OPN5: variants seen among roughly 807,000 people sequenced by gnomAD.
OPN5 encodes opsin-5.
In OPN5, 18 loss-of-function variants were observed where a neutral mutation model predicts 41.7. That is an observed-to-expected ratio of 0.43 (90% CI 0.30 to 0.64). The LOEUF (loss-of-function observed/expected upper bound fraction) is 0.64, where lower values mean the gene tolerates loss of function less well. Ranked by LOEUF, OPN5 falls within the 30% of genes least tolerant of loss-of-function variation. OPN5 has a pLI of 0.13. For missense variants in OPN5, 318 were observed against 434.5 expected (o/e 0.73, Z 2.38); for synonymous variants, 178 against 164.3 (o/e 1.08, Z -0.64).
intron 6 of OPN5, among the ~76,000 whole-genome samples, chr6:47,818,533 G>A (rs1762499532): frequency 2.0e-5 from 3 of 152,168 alleles, no homozygotes; most frequent in Admixed American, 1.3e-4. Context: ...TGGGGATTTG[G>A]CAGGGCATTC....
intron 4 of OPN5, among the ~76,000 whole-genome samples, chr6:47,796,279 C>T (rs375398518): frequency 1.5e-4 from 23 of 152,094 alleles, no homozygotes; most frequent in African/African-American, 3.6e-4. Context: ...TATTGGGTTA[C>T]GGTGGGAATT....
intron 6 of OPN5, among the ~76,000 whole-genome samples, chr6:47,814,994 G>T (rs1762388921): frequency 6.6e-6 from 1 of 151,986 alleles, no homozygotes; most frequent in African/African-American, 2.4e-5. Flanking sequence ...CTAGATCCCT[G>T]GACTTTCATT....
chr6:47,811,688 C>T (rs1224100656), exon 6 of OPN5: 1 of 1,612,080 alleles, frequency 6.2e-7, no homozygotes, highest in Non-Finnish European at 8.5e-7. Flanking sequence ...CACACCGTAA[C>T]CACAGTCAGG....
At chr6:47,786,463 G>C (rs765714061) in intron 1 of OPN5, 52 bp from the exon 2 acceptor site, 4 of 1,546,996 alleles carry the variant, frequency 2.6e-6, no homozygotes, top group Non-Finnish European at 1.8e-6. Context: ...TCATATCTGA[G>C]TGAACTCGAA....
chr6:47,814,883 A>G (rs953874290), intron 6 of OPN5, among the ~76,000 whole-genome samples: 1 of 152,166 alleles, frequency 6.6e-6, no homozygotes, highest in Admixed American at 6.6e-5. Context: ...TGCCTGATGC[A>G]TAAAGGACAC....
At chr6:47,782,293 A>G in intron 1 of OPN5, 97 bp downstream of exon 1, 1 of 1,173,876 alleles carries the variant, frequency 8.5e-7, no homozygotes, top group South Asian at 1.4e-5. Flanking sequence ...TTAAGTGGAT[A>G]GTTTAGTGGA....
intron 4 of OPN5, among the ~76,000 whole-genome samples, chr6:47,805,814 A>G (rs1773937172): frequency 6.6e-6 from 1 of 152,210 alleles, no homozygotes; most frequent in Non-Finnish European, 1.5e-5. Context: ...GGAACTTGTC[A>G]TGACCCTGAT....
chr6:47,786,025 A>G (rs1773180484), intron 1 of OPN5, among the ~76,000 whole-genome samples: 1 of 152,240 alleles, frequency 6.6e-6, no homozygotes, highest in Non-Finnish European at 1.5e-5. Context: ...TATGCCAGTC[A>G]TACCTGGCCT....
chr6:47,802,472 C>T (rs1773812039), intron 4 of OPN5, among the ~76,000 whole-genome samples: 1 of 152,132 alleles, frequency 6.6e-6, no homozygotes, highest in Non-Finnish European at 1.5e-5. Context: ...TTTAATCCTG[C>T]TGGGCCTTAG....
chr6:47,787,105 A>G (rs1186202742), intron 2 of OPN5: 2 of 982,372 alleles, frequency 2.0e-6, no homozygotes, highest in Non-Finnish European at 2.4e-6. Flanking sequence ...AGGAAGAGGA[A>G]AGAGGTGCCC....
intron 6 of OPN5, 83 bp from the exon 7 acceptor site, chr6:47,823,900 T>C: frequency 1.0e-6 from 1 of 963,606 alleles, no homozygotes; most frequent in Non-Finnish European, 1.6e-6. Context: ...TGTGGTATGT[T>C]TAGGCTCTGA....
At chr6:47,824,569 C>T (rs957050984) in exon 7 of OPN5, 1 of 152,558 alleles carries the variant, frequency 6.6e-6, no homozygotes, top group South Asian at 2.1e-4. Context: ...TTTTTCCAGG[C>T]CAGCTCCAGT....
At chr6:47,807,276 G>A (rs908977361) in intron 4 of OPN5, among the ~76,000 whole-genome samples, 1 of 152,152 alleles carries the variant, frequency 6.6e-6, no homozygotes, top group Non-Finnish European at 1.5e-5. Context: ...ATACAACTCA[G>A]GCTCTAGGTT....
chr6:47,797,426 C>T (rs1247078830), intron 4 of OPN5, among the ~76,000 whole-genome samples: 4 of 152,166 alleles, frequency 2.6e-5, no homozygotes, highest in African/African-American at 9.7e-5. Flanking sequence ...ATTTCTAGCT[C>T]TCCCTTTAGC....
intron 5 of OPN5, among the ~76,000 whole-genome samples, chr6:47,808,879 T>C (rs1774081064): frequency 6.6e-6 from 1 of 152,220 alleles, no homozygotes; most frequent in Admixed American, 6.5e-5. Context: ...TTTTATTTTA[T>C]TTCACAAGAG....
chr6:47,794,416 G>A (rs947734796), intron 3 of OPN5, among the ~76,000 whole-genome samples: 2 of 152,158 alleles, frequency 1.3e-5, no homozygotes, highest in African/African-American at 4.8e-5. Flanking sequence ...AAATCAGGCC[G>A]ACCTGTCTTT....
At chr6:47,791,298 TAA>T (rs75693501) in intron 2 of OPN5, among the ~76,000 whole-genome samples, 4,777 of 149,800 alleles carry the variant, frequency 0.032, 254 homozygotes, top group African/African-American at 0.11. Context: ...CTATTTCTGG[TAA>T]AAAAAAAAAA....
intron 6 of OPN5, among the ~76,000 whole-genome samples, chr6:47,822,550 C>A (rs1367714551): frequency 6.6e-6 from 1 of 152,094 alleles, no homozygotes; most frequent in Non-Finnish European, 1.5e-5. Context: ...AATGGGTGCC[C>A]AGTTTAGTTC....
chr6:47,817,707 T>C lies in OPN5; in HGVS notation c.1056+5976T>C, dbSNP rs150380924. Among the ~76,000 whole-genome samples, 268 of 152,318 alleles carry C rather than the reference T, an allele frequency of 1.8e-3. 1 individual carries two copies. The highest frequency in any genetic ancestry group is 6.0e-3 in the African/African-American group (251 of 41,564). Reference sequence around the variant, plus strand: ...TAAGACTAATGTGTTTTTAAGTCTTTTCCCATTGGATGTGGTCACAGTCAG... The same window carrying C: ...TAAGACTAATGTGTTTTTAAGTCTTCTCCCATTGGATGTGGTCACAGTCAG... On this transcript the variant is annotated intron_variant, in intron 6 of 6. Transcript: ENST00000371211.
Sources: allele counts gnomAD v4.1 joint callset (sites outside exome capture counted in the v4.1 genomes callset), GRCh38; gene constraint gnomAD v4.1.1; transcripts MANE v1.5; gene names NCBI Gene and HGNC (gene_info 2026-07-23, HGNC 2026-07-21).